Variants in GRIN2B observed in about 807,000 individuals in gnomAD.
GRIN2B encodes the protein glutamate ionotropic receptor NMDA type subunit 2B.
A neutral mutation model predicts 114.5 loss-of-function variants in GRIN2B; 5 were observed. The observed-to-expected ratio is 0.04, with a 90% CI of 0.02 to 0.09. The LOEUF (loss-of-function observed/expected upper bound fraction) is 0.09, where lower values mean the gene tolerates loss of function less well. Among genes scored for constraint, GRIN2B ranks in the 10% least tolerant of loss-of-function variants. The pLI is 1.00. For missense variants in GRIN2B, 1,108 were observed against 1,943.5 expected (o/e 0.57, Z 8.08); for synonymous variants, 787 against 745.1 (o/e 1.06, Z -0.92).
At chr12:13,902,196 G>A (rs1011338918) in intron 2 of GRIN2B, among the ~76,000 whole-genome samples, 7 of 151,736 alleles carry the variant, frequency 4.6e-5, no homozygotes, top group African/African-American at 9.7e-5. Flanking sequence ...TTTTCCCATC[G>A]TATTCTTTCT....
At chr12:13,685,180 G>T (rs972410531) in intron 4 of GRIN2B, among the ~76,000 whole-genome samples, 1 of 152,134 alleles carries the variant, frequency 6.6e-6, no homozygotes, top group Non-Finnish European at 1.5e-5. Flanking sequence ...TGTCCTTTCT[G>T]TAGCCTCTCT....
At chr12:13,618,727 A>G (rs954452609) in intron 5 of GRIN2B, among the ~76,000 whole-genome samples, 1 of 152,216 alleles carries the variant, frequency 6.6e-6, no homozygotes. Flanking sequence ...TGATACAGTT[A>G]ACTTCACTAT....
At chr12:13,809,659 GAA>G (rs1472427832) in intron 3 of GRIN2B, among the ~76,000 whole-genome samples, 1 of 152,138 alleles carries the variant, frequency 6.6e-6, no homozygotes, top group East Asian at 1.9e-4. Context: ...AGGAAAAAAA[GAA>G]AGAAATCAGC....
intron 4 of GRIN2B, among the ~76,000 whole-genome samples, chr12:13,727,447 C>T (rs1244802469): frequency 6.6e-6 from 1 of 152,164 alleles, no homozygotes; most frequent in Non-Finnish European, 1.5e-5. Context: ...GAGATTGTAA[C>T]GATTTACACC....
intron 2 of GRIN2B, among the ~76,000 whole-genome samples, chr12:13,870,421 T>C (rs1865887224): frequency 6.6e-6 from 1 of 152,086 alleles, no homozygotes; most frequent in South Asian, 2.1e-4. Flanking sequence ...CCGAGATCCA[T>C]AGCAAACAGA....
chr12:13,824,787 C>T (rs192642458), intron 3 of GRIN2B, among the ~76,000 whole-genome samples: 5 of 135,792 alleles, frequency 3.7e-5, no homozygotes, highest in East Asian at 2.3e-4. Context: ...ACCCGGGAGG[C>T]GGAGGTTGCA....
chr12:13,622,706 C>T (rs75320999), intron 5 of GRIN2B, among the ~76,000 whole-genome samples: 1,570 of 152,130 alleles, frequency 0.01, 6 homozygotes, highest in Non-Finnish European at 0.012. Flanking sequence ...CATCATCCCA[C>T]GCAGAAGGCA....
chr12:13,721,403 C>G (rs1950507512), intron 4 of GRIN2B, among the ~76,000 whole-genome samples: 1 of 151,840 alleles, frequency 6.6e-6, no homozygotes, highest in African/African-American at 2.4e-5. Context: ...CTGGGAGACT[C>G]TTGCAGGAAT....
intron 3 of GRIN2B, among the ~76,000 whole-genome samples, chr12:13,821,410 T>C (rs1864933920): frequency 1.3e-5 from 2 of 152,154 alleles, no homozygotes; most frequent in Admixed American, 1.3e-4. Context: ...GCATCCCTCA[T>C]CCTTTAAGAG....
rs748090048 is a variant in GRIN2B, at chr12:13,806,373, C to T, written c.412-52458G>A. On this transcript the variant is annotated intron_variant, in intron 3 of 13. Transcript: ENST00000609686. ...GCAAGTTATGTTCTCATCCATCTCC[C>T]CATCAACACTTGTTATCTCTTGTAT... 2.6e-5 allele frequency among the ~76,000 whole-genome samples: 4 copies of T among 152,228 alleles called. No homozygotes were observed. The South Asian group carries it at 6.2e-4, about 24-fold the overall frequency.
chr12:13,874,717 T>C (rs772280757), intron 2 of GRIN2B, among the ~76,000 whole-genome samples: 7 of 152,196 alleles, frequency 4.6e-5, no homozygotes, highest in Non-Finnish European at 1.0e-4. Context: ...ATAAAAATTA[T>C]TGGCTTGTCA....
chr12:13,767,215 G>A (rs964554105), intron 3 of GRIN2B, among the ~76,000 whole-genome samples: 2 of 141,776 alleles, frequency 1.4e-5, no homozygotes, highest in African/African-American at 2.7e-5. Flanking sequence ...AGCGGAGATC[G>A]CACCACTGCA....
intron 3 of GRIN2B, among the ~76,000 whole-genome samples, chr12:13,793,731 A>G (rs1472921404): frequency 6.6e-6 from 1 of 152,122 alleles, no homozygotes. Context: ...TGCTTTCTCC[A>G]TATTTTGACC....
At chr12:13,942,014 T>C (rs1215544369) in intron 2 of GRIN2B, among the ~76,000 whole-genome samples, 2 of 152,192 alleles carry the variant, frequency 1.3e-5, no homozygotes, top group African/African-American at 2.4e-5. Context: ...GTGTGCCCCA[T>C]AGCAGTTAAT....
In GRIN2B at chr12:13,615,711, A is replaced by T; in HGVS notation, c.1329-47T>A. 6.5e-7 allele frequency: 1 copy of T among 1,539,244 alleles called. No individual in the cohort carries two copies. The highest frequency in any genetic ancestry group is 9.0e-7 in the Non-Finnish European group (1 of 1,111,950). On this transcript the variant is annotated intron_variant, in intron 6 of 13. Coordinates refer to ENST00000609686, the MANE Select transcript of GRIN2B (RefSeq NM_000834.5). The surrounding 1 kb of genome is among the most constrained non-coding windows in gnomAD (Gnocchi z 5.8). ...AACAAACAAACAAAAAAGTCTTTGT[A>T]CAAAAAGCCAACATTTATTACCCTT...
At chr12:13,954,811 G>GAAAAAAAAAAAAAAAAAAAA (rs61525874) in intron 2 of GRIN2B, among the ~76,000 whole-genome samples, 607 of 25,450 alleles carry the variant, frequency 0.024, 146 homozygotes, top group Non-Finnish European at 0.037. Flanking sequence ...TCCGTCTCAG[G>GAAAAAAAAAAAAAAAAAAAA]AAAAAAAAAA....
chr12:13,708,647 A>G (rs988645610), intron 4 of GRIN2B, among the ~76,000 whole-genome samples: 1 of 152,000 alleles, frequency 6.6e-6, no homozygotes, highest in East Asian at 1.9e-4. Flanking sequence ...AATACTTTAC[A>G]TATATCATTT....
intron 4 of GRIN2B, among the ~76,000 whole-genome samples, chr12:13,742,926 T>C (rs1396145059): frequency 6.6e-6 from 1 of 152,218 alleles, no homozygotes; most frequent in East Asian, 1.9e-4. Flanking sequence ...AACTTCAATC[T>C]GCTGCTTGAA....
intron 4 of GRIN2B, among the ~76,000 whole-genome samples, chr12:13,676,843 A>T (rs17833639): frequency 0.063 from 9,585 of 152,250 alleles, 334 homozygotes; most frequent in Non-Finnish European, 0.077. Flanking sequence ...CACTATGTAT[A>T]GGGAACAGAA....
Sources: gnomAD v4.1 joint callset for allele counts (sites outside exome capture counted in the v4.1 genomes callset) on GRCh38, gnomAD v4.1.1 for gene constraint, Gnocchi (gnomAD v3.1) non-coding constraint, MANE v1.5 for transcripts, NCBI Gene and HGNC (gene_info 2026-07-23, HGNC 2026-07-21) for gene names.